The following XRN2 variants were observed in gnomAD, a reference collection of about 807,000 sequenced individuals.
XRN2 encodes the protein DHM1-like protein.
XRN2 carries 44 observed loss-of-function variants against 138.5 expected under a neutral mutation model. The ratio of observed to expected loss-of-function variants is 0.32; its 90% CI spans 0.25 to 0.41. The LOEUF (loss-of-function observed/expected upper bound fraction) is 0.41, where lower values mean the gene tolerates loss of function less well. Among genes scored for constraint, XRN2 ranks in the 10% least tolerant of loss-of-function variants. XRN2 has a pLI of 1.00. For synonymous variants in XRN2, 354 were observed against 369.4 expected (o/e 0.96, Z 0.48); for missense variants, 937 against 1,169.3 (o/e 0.80, Z 2.90).
Position 21,369,523 on chromosome 20 carries a change from C to G in XRN2, c.2584+933C>G, listed in dbSNP as rs116474762. Among the ~76,000 whole-genome samples, 688 of 152,344 alleles carry G rather than the reference C, an allele frequency of 4.5e-3. 5 individuals carry two copies. Among genetic ancestry groups the G allele is most frequent in the African/African-American group, 0.015 (637 of 41,576 alleles). ...GAGTTCCCTTTTCTCCATATCCTCA[C>G]TGGCATTTGTTATTGCCTGTCTTTT... On this transcript the variant is annotated intron_variant, in intron 27 of 29. Transcript: ENST00000377191.
intron 1 of XRN2, among the ~76,000 whole-genome samples, chr20:21,317,341 G>A (rs891594491): frequency 4.0e-5 from 6 of 151,620 alleles, no homozygotes; most frequent in African/African-American, 1.2e-4. Context: ...TTTTTCGAAC[G>A]CTTTTTCTAT....
intron 20 of XRN2, among the ~76,000 whole-genome samples, chr20:21,350,411 A>C: frequency 6.7e-6 from 1 of 150,158 alleles, no homozygotes; most frequent in Non-Finnish European, 1.5e-5. Context: ...CTGTAGTCCC[A>C]GCTACTCGGG....
rs377677641 is a variant in XRN2 at position 21,365,625 on chromosome 20, C to T, written c.2377C>T (p.Arg793Trp). Residue 793 changes from arginine to tryptophan, a missense_variant, in exon 26 of 30, where the codon CGG becomes TGG. Physicochemically the swap from Arg to Trp is moderately radical, Grantham distance 101. Around this residue, in one of 6 missense-constraint regions of XRN2, gnomAD observed 372 missense variants for 414.4 expected, o/e 0.90. Transcript: ENST00000377191. ...PSDWEKSSNG[R>W]QWKPQLGFNR... ...TGACTGGGAAAAATCCAGCAATGGA[C>T]GGCAGTGGAAGCCTCAGCTTGGCTT... 28 of 1,613,116 alleles carry T rather than the reference C, an allele frequency of 1.7e-5. No individual in the cohort carries two copies. The highest frequency in any genetic ancestry group is 6.7e-5 in the East Asian group (3 of 44,848).
At chr20:21,346,216 A>C (rs895242589) in intron 16 of XRN2, among the ~76,000 whole-genome samples, 199 bp from the exon 17 acceptor site, 5 of 152,226 alleles carry the variant, frequency 3.3e-5, no homozygotes, top group African/African-American at 4.8e-5. Flanking sequence ...GGTGTGTTTA[A>C]CTGTCTTTAA....
At chr20:21,359,060 AATAG>A (rs2038607435) in intron 24 of XRN2, among the ~76,000 whole-genome samples, 1 of 152,178 alleles carries the variant, frequency 6.6e-6, no homozygotes, top group African/African-American at 2.4e-5. Context: ...ACCCTCTAGA[AATAG>A]TTAATTCTAC....
chr20:21,373,116 A>T (rs867176294), intron 27 of XRN2, among the ~76,000 whole-genome samples: 2 of 152,118 alleles, frequency 1.3e-5, no homozygotes, highest in Admixed American at 6.6e-5. Flanking sequence ...AGGTTCAAGC[A>T]GTTCTGCCTC....
At position 21,389,401 on chromosome 20, in the gene XRN2, ATTTC is replaced by A. The variant is rs2038966553; in HGVS notation, c.*69_*72del. The A allele has an allele frequency of 2.7e-6, 4 of 1,499,678 alleles. No homozygotes were observed. The South Asian group carries it at 3.7e-5, about 14-fold the overall frequency. 92.9% of individuals were successfully genotyped at this position (1,499,678 alleles called of 1,614,324 possible). ...ACAGTTTTATGCTATTTGTGGAAAG[ATTTC>A]TTTCTCAAGTAGTAGTTTTTAATAA... On this transcript the variant is annotated 3_prime_UTR_variant, in exon 30 of 30. Transcript: ENST00000377191.
chr20:21,365,593 A>G lies in XRN2; in HGVS notation c.2345A>G (p.Lys782Arg). The G allele has an allele frequency of 6.2e-7, 1 of 1,613,490 alleles. No individual in the cohort carries two copies. The highest frequency in any genetic ancestry group is 8.5e-7 in the Non-Finnish European group (1 of 1,179,906). Reference protein sequence around the residue: ...PGARKPAAVLKPSDWEKSSNG... With the variant: ...PGARKPAAVLRPSDWEKSSNG... ...GTCAGAAAGCCAGCAGCAGTACTGA[A>G]ACCTAGTGACTGGGAAAAATCCAGC... Residue 782 changes from lysine (K) to arginine (R), a missense_variant, in exon 26 of 30, where the codon AAA (lysine) becomes AGA (arginine). By Grantham distance (26) the Lys-to-Arg change is conservative (BLOSUM62 2). Transcript: ENST00000377191.
Position 21,316,876 on chromosome 20 carries a change from T to C in XRN2, c.76-9403T>C, listed in dbSNP as rs558395637. Among the ~76,000 whole-genome samples the C allele has an allele frequency of 1.1e-4, 17 of 152,346 alleles. 1 individual carries two copies. Among genetic ancestry groups the C allele is most frequent in the African/African-American group, 3.8e-4 (16 of 41,594 alleles). On this transcript the variant is annotated intron_variant, in intron 1 of 29. Coordinates refer to ENST00000377191, the MANE Select transcript of XRN2 (RefSeq NM_012255.5). ...AGATTTAGCCCTAGTTTTTTGATAC[T>C]ATTGTGAGAATGTTTTAACTTTATT...
chr20:21,330,546 A>G lies in XRN2; in HGVS notation c.486+7A>G. 6.2e-7 allele frequency: 1 copy of G among 1,613,858 alleles called. No homozygotes were observed. Among genetic ancestry groups the G allele is most frequent in the South Asian group, 1.1e-5 (1 of 91,034 alleles). ...CAGCAACTGTATTACACCAGTAAGT[A>G]GTCTCATACTTTGCTAGCTATTGCT... On this transcript the variant is annotated splice_region_variant and intron_variant, in intron 5 of 29. Transcript: ENST00000377191.
At chr20:21,303,546 C>T in intron 1 of XRN2, 73 bp downstream of exon 1, 1 of 1,449,888 alleles carries the variant, frequency 6.9e-7, no homozygotes. Context: ...CCCATGGGCT[C>T]CGCCGCCTGC....
intron 1 of XRN2, 131 bp from the exon 2 acceptor site, chr20:21,326,148 T>C (rs531716074): frequency 2.7e-5 from 24 of 891,588 alleles, no homozygotes; most frequent in South Asian, 2.4e-4. Context: ...AAATAACTTA[T>C]TATAATTTAA....
chr20:21,316,598 G>A (rs1264847792), intron 1 of XRN2, among the ~76,000 whole-genome samples: 3 of 152,112 alleles, frequency 2.0e-5, no homozygotes, highest in Non-Finnish European at 2.9e-5. Context: ...GCTAATAATA[G>A]CTGTGTGCAT....
chr20:21,368,670 A>G, intron 27 of XRN2, 80 bp downstream of exon 27: 5 of 1,567,070 alleles, frequency 3.2e-6, no homozygotes, highest in Non-Finnish European at 4.3e-6. Context: ...TCTTTGCTGA[A>G]AAAGATTTGT....
chr20:21,386,184 A>C (rs763629869), intron 28 of XRN2, among the ~76,000 whole-genome samples: 1 of 152,260 alleles, frequency 6.6e-6, no homozygotes, highest in Non-Finnish European at 1.5e-5. Flanking sequence ...TGCGACAGCA[A>C]ACTGGGTTAT....
At chr20:21,348,565 CAT>C in intron 19 of XRN2, 135 bp downstream of exon 19, 1 of 766,394 alleles carries the variant, frequency 1.3e-6, no homozygotes, top group Non-Finnish European at 2.1e-6. Flanking sequence ...TCCAAACACA[CAT>C]ATATTTCCTG....
At chr20:21,365,513 T>G in intron 25 of XRN2, 24 bp downstream of exon 25, 2 of 1,613,774 alleles carry the variant, frequency 1.2e-6, no homozygotes, top group South Asian at 2.2e-5. Flanking sequence ...ATTACCTAGA[T>G]TTATTTTGTA....
intron 28 of XRN2, among the ~76,000 whole-genome samples, chr20:21,384,111 A>G (rs2038913232): frequency 6.6e-6 from 1 of 152,172 alleles, no homozygotes. Context: ...TGTATAATCC[A>G]TATATCCAGT....
chr20:21,366,489 G>A (rs980199806), intron 26 of XRN2, among the ~76,000 whole-genome samples: 7 of 150,812 alleles, frequency 4.6e-5, no homozygotes, highest in African/African-American at 1.7e-4. Context: ...CCTGGGAGGC[G>A]GAGCTTGCAG....
Sources: gnomAD v4.1 joint callset for allele counts (sites outside exome capture counted in the v4.1 genomes callset) on GRCh38, gnomAD v4.1.1 for gene constraint, gnomAD v4.1.1 regional missense constraint, MANE v1.5 for transcripts, NCBI Gene and HGNC (gene_info 2026-07-23, HGNC 2026-07-21) for gene names.